RANBP2: variants seen among roughly 807,000 people sequenced by gnomAD.
The protein encoded by RANBP2 is RAN binding protein 2, also known as E3 SUMO-protein ligase RanBP2.
A neutral mutation model predicts 303.6 loss-of-function variants in RANBP2; 57 were observed. The observed-to-expected ratio is 0.19, with a 90% CI of 0.15 to 0.23. The LOEUF (loss-of-function observed/expected upper bound fraction) is 0.23. Ranked by LOEUF, RANBP2 falls within the 10% of genes least tolerant of loss-of-function variation. The pLI is 1.00. For synonymous variants in RANBP2, 1,167 were observed against 1,301.5 expected, an observed-to-expected ratio of 0.90 and a Z score of 2.23; for missense variants, 3,138 against 3,780.8, an observed-to-expected ratio of 0.83 and a Z score of 4.46.
the RANBP2 span, among the ~76,000 whole-genome samples, chr2:108,959,572 A>G: frequency 1.8e-4 from 27 of 152,268 alleles, no homozygotes; most frequent in South Asian, 3.5e-3. Flanking sequence ...TTCTCACAGC[A>G]GTCATGGGGC....
chr2:109,300,417 T>G, the RANBP2 span, among the ~76,000 whole-genome samples: 6 of 152,136 alleles, frequency 3.9e-5, no homozygotes, highest in Admixed American at 3.9e-4. Flanking sequence ...TCACCTCAAG[T>G]GATCCACCCA....
At chr2:109,731,673 G>A in the RANBP2 span, among the ~76,000 whole-genome samples, 5 of 151,620 alleles carry the variant, frequency 3.3e-5, no homozygotes, top group African/African-American at 7.3e-5. Flanking sequence ...GATTATAGTC[G>A]TGAGCCACTG....
the RANBP2 span, among the ~76,000 whole-genome samples, chr2:109,015,118 C>CAAAAAAAAAAAAAAAAAAA: frequency 4.4e-5 from 3 of 68,810 alleles, no homozygotes; most frequent in African/African-American, 5.9e-5. Flanking sequence ...GACTCCATCT[C>CAAAAAAAAAAAAAAAAAAA]AAAAAAAAAA....
the RANBP2 span, among the ~76,000 whole-genome samples, chr2:109,070,570 A>G: frequency 6.6e-6 from 1 of 152,016 alleles, no homozygotes; most frequent in Non-Finnish European, 1.5e-5. Flanking sequence ...TGTTTTAAAG[A>G]GTATGGTGGC....
chr2:109,249,501 C>CT, the RANBP2 span, among the ~76,000 whole-genome samples: 8 of 34,808 alleles, frequency 2.3e-4, no homozygotes, highest in African/African-American at 1.1e-3. Flanking sequence ...TTCTTTCTTT[C>CT]TTTCTTTCAT....
chr2:109,435,452 T>C, the RANBP2 span, among the ~76,000 whole-genome samples: 1 of 152,210 alleles, frequency 6.6e-6, no homozygotes. Context: ...ATCCACCACC[T>C]GTGTTTGCCC....
chr2:109,640,227 G>A, the RANBP2 span, among the ~76,000 whole-genome samples: 3 of 151,346 alleles, frequency 2.0e-5, no homozygotes, highest in Admixed American at 6.6e-5. Context: ...CAAGGCGGGC[G>A]GATCACCTGA....
At chr2:109,128,194 A>C in the RANBP2 span, 1 of 152,198 alleles carries the variant, frequency 6.6e-6, no homozygotes, top group Non-Finnish European at 1.5e-5. Context: ...CGCCGACCCC[A>C]GCCCACCGCC....
chr2:109,559,911 C>CT, the RANBP2 span, among the ~76,000 whole-genome samples: 27,339 of 117,280 alleles, frequency 0.23, 4,348 homozygotes, highest in East Asian at 0.34. Flanking sequence ...CAACCAATGC[C>CT]TTTTTTTTTT....
At chr2:109,413,986 G>C in the RANBP2 span, among the ~76,000 whole-genome samples, 1 of 152,246 alleles carries the variant, frequency 6.6e-6, no homozygotes, top group East Asian at 1.9e-4. Flanking sequence ...GGTCCTTCTA[G>C]GTCCTTGGCT....
the RANBP2 span, among the ~76,000 whole-genome samples, chr2:109,435,074 G>T: frequency 6.6e-6 from 1 of 151,764 alleles, no homozygotes; most frequent in Admixed American, 6.6e-5. Context: ...GCAGAGCCAG[G>T]AATAAACATT....
chr2:109,638,469 T>C, the RANBP2 span, among the ~76,000 whole-genome samples: 1 of 152,194 alleles, frequency 6.6e-6, no homozygotes, highest in Non-Finnish European at 1.5e-5. Flanking sequence ...GGGGTTGCTT[T>C]GTTTTTCCTG....
chr2:109,323,125 T>C, the RANBP2 span, among the ~76,000 whole-genome samples: 1 of 152,164 alleles, frequency 6.6e-6, no homozygotes, highest in Non-Finnish European at 1.5e-5. Context: ...TCCCAGCATA[T>C]GCTCCAGAGA....
At chr2:109,685,998 GT>G in the RANBP2 span, among the ~76,000 whole-genome samples, 1 of 152,230 alleles carries the variant, frequency 6.6e-6, no homozygotes, top group Non-Finnish European at 1.5e-5. Context: ...TCACAGAACA[GT>G]TATTTTTAGA....
the RANBP2 span, among the ~76,000 whole-genome samples, chr2:109,054,508 C>T: frequency 1.3e-5 from 2 of 152,050 alleles, no homozygotes; most frequent in Non-Finnish European, 2.9e-5. Flanking sequence ...AGATTGAGAC[C>T]ATCCTAGCCA....
the RANBP2 span, among the ~76,000 whole-genome samples, chr2:109,592,141 T>C: frequency 6.6e-6 from 1 of 151,966 alleles, no homozygotes; most frequent in African/African-American, 2.4e-5. Flanking sequence ...AGGAGTTCTA[T>C]GCACCCACCA....
chr2:109,736,409 T>G, the RANBP2 span, among the ~76,000 whole-genome samples: 2 of 152,196 alleles, frequency 1.3e-5, no homozygotes, highest in Admixed American at 6.5e-5. Context: ...GGAAGCACTA[T>G]TCCTCCAGCT....
At chr2:109,101,471 T>C in the RANBP2 span, among the ~76,000 whole-genome samples, 4 of 151,944 alleles carry the variant, frequency 2.6e-5, no homozygotes, top group African/African-American at 9.7e-5. Flanking sequence ...AGCTTGTAGT[T>C]GAGCCGAGAT....
At chr2:109,706,392 C>T in the RANBP2 span, among the ~76,000 whole-genome samples, 21 of 152,358 alleles carry the variant, frequency 1.4e-4, no homozygotes, top group African/African-American at 5.0e-4. Context: ...CAGCCCTGCC[C>T]TAGGGCCTCT....
Sources: gnomAD v4.1 joint callset for allele counts (sites outside exome capture counted in the v4.1 genomes callset) on GRCh38, gnomAD v4.1.1 for gene constraint, MANE v1.5 for transcripts, NCBI Gene and HGNC (gene_info 2026-07-23, HGNC 2026-07-21) for gene names.